The following KIAA0753 variants were observed in gnomAD, a reference collection of about 807,000 sequenced individuals.
The protein encoded by KIAA0753 is protein moonraker.
KIAA0753 carries 114 observed loss-of-function variants against 116.9 expected under a neutral mutation model. That is an observed-to-expected ratio of 0.98 (90% CI 0.84 to 1.14). KIAA0753 has a LOEUF of 1.14. Among genes scored for constraint, KIAA0753 ranks in the 50% most tolerant of loss-of-function variants. The probability of loss-of-function intolerance (pLI) is 0.00; values close to 1 mark genes in which losing one functional copy is unlikely to be tolerated. For missense variants in KIAA0753, 1,156 were observed against 1,172.4 expected (o/e 0.99, Z 0.20); for synonymous variants, 405 against 413.1 (o/e 0.98, Z 0.24).
chr17:6,631,075 G>A (rs890918915), intron 2 of KIAA0753, among the ~76,000 whole-genome samples: 7 of 151,916 alleles, frequency 4.6e-5, no homozygotes, highest in African/African-American at 7.3e-5. Flanking sequence ...ACATATACAC[G>A]AGAGACAGGA....
intron 12 of KIAA0753, 104 bp from the exon 13 acceptor site, chr17:6,600,562 C>G: frequency 1.3e-6 from 1 of 795,286 alleles, no homozygotes; most frequent in Non-Finnish European, 2.0e-6. Flanking sequence ...TGACCACGAG[C>G]TTCTCTAACC....
intron 7 of KIAA0753, among the ~76,000 whole-genome samples, chr17:6,619,868 TA>T (rs1971187616): frequency 6.6e-6 from 1 of 152,218 alleles, no homozygotes; most frequent in Non-Finnish European, 1.5e-5. Flanking sequence ...TCATCAAATC[TA>T]AAACATCAAT....
At position 6,580,761 on chromosome 17, in the gene KIAA0753, A is replaced by G. The variant is rs975465581; in HGVS notation, c.2787-897T>C. Among the ~76,000 whole-genome samples the G allele has an allele frequency of 3.3e-5, 5 of 152,276 alleles. No homozygotes were observed. The East Asian group carries it at 9.7e-4, about 29-fold the overall frequency. ...CTTCATCCTCAATGTGTTTGAAACC[A>G]GAGGCGACCAGAAACTAACCAGCTG... On this transcript the variant is annotated intron_variant, in intron 18 of 18. Coordinates refer to ENST00000361413, the MANE Select transcript of KIAA0753 (RefSeq NM_014804.3).
At chr17:6,594,281 C>G (rs200565237) in intron 16 of KIAA0753, among the ~76,000 whole-genome samples, 11 of 145,624 alleles carry the variant, frequency 7.6e-5, no homozygotes, top group South Asian at 6.8e-4. Context: ...ATTCTGACCC[C>G]CCCCCCCAGA....
rs1289936055 is a variant in KIAA0753, at chr17:6,628,603, T to C, written c.232A>G (p.Arg78Gly). 2 of 1,614,240 alleles carry C rather than the reference T, an allele frequency of 1.2e-6. No individual in the cohort carries two copies. Among genetic ancestry groups the C allele is most frequent in the Non-Finnish European group, 8.5e-7 (1 of 1,180,030 alleles). ...ESYHCKDADCRVGPDLGSSVS... is the reference protein window; with the variant it reads ...ESYHCKDADCGVGPDLGSSVS... ...GAACTGCCCAGGTCAGGACCAACTC[T>C]ACAATCTGCATCTTTACAATGGTAT... Residue 78 changes from arginine (R) to glycine (G), a missense_variant, in exon 3 of 19, where the codon AGA (arginine) becomes GGA (glycine). Coordinates refer to ENST00000361413, the MANE Select transcript of KIAA0753 (RefSeq NM_014804.3).
In KIAA0753 at chr17:6,628,206, A is replaced by C. The variant is rs760965351; in HGVS notation, c.629T>G (p.Ile210Arg). Residue 210 changes from isoleucine to arginine, a missense_variant, in exon 3 of 19, where the codon ATA (isoleucine) becomes AGA (arginine). Physicochemically the swap from Ile to Arg is moderately conservative, Grantham distance 97. Coordinates refer to ENST00000361413, the MANE Select transcript of KIAA0753 (RefSeq NM_014804.3). ...PHPRIGDHKN[I>R]SEQKSLLEVQ... ...TTCTAGCAGGCTTTTCTGTTCACTT[A>C]TGTTTTTGTGGTCACCTATCCTGGG... is the stretch of plus-strand genomic sequence containing the variant. The C allele has an allele frequency of 1.2e-6, 2 of 1,614,068 alleles. No homozygotes were observed. Among genetic ancestry groups the C allele is most frequent in the Admixed American group, 1.7e-5 (1 of 60,016 alleles).
At chr17:6,625,338 C>T (rs1295493633) in intron 3 of KIAA0753, among the ~76,000 whole-genome samples, 3 of 152,140 alleles carry the variant, frequency 2.0e-5, no homozygotes, top group Non-Finnish European at 4.4e-5. Flanking sequence ...TTAGTCTTTG[C>T]TGTTTAATAG....
At chr17:6,621,468 A>C (rs1971320599) in intron 6 of KIAA0753, among the ~76,000 whole-genome samples, 1 of 152,192 alleles carries the variant, frequency 6.6e-6, no homozygotes, top group Non-Finnish European at 1.5e-5. Flanking sequence ...CTTCCTAAAA[A>C]AAGGCATTTC....
intron 12 of KIAA0753, among the ~76,000 whole-genome samples, chr17:6,605,005 C>T (rs1287205226): frequency 6.7e-6 from 1 of 149,482 alleles, no homozygotes; most frequent in Non-Finnish European, 1.5e-5. Flanking sequence ...CCCAGCCCTC[C>T]GGGAGGCCAA....
Position 6,599,287 on chromosome 17 carries a change from A to G in KIAA0753, c.2122T>C (p.Leu708=), listed in dbSNP as rs570334879. 1.2e-6 allele frequency: 2 copies of G among 1,613,832 alleles called. No individual in the cohort carries two copies. Among genetic ancestry groups the G allele is most frequent in the East Asian group, 4.5e-5 (2 of 44,874 alleles). ...GTGTTTACTGACGAGCCATCTTTCA[A>G]ATGAATATTTGCTTCTGTAGTAGAA... The part of the protein sequence containing the change: ...VNSTTEANIH[L]KDGSSVNTAK... The change falls in exon 14 of 19, where the codon TTG becomes CTG. Residue 708 remains leucine (L), a synonymous_variant. Coordinates refer to ENST00000361413, the MANE Select transcript of KIAA0753 (RefSeq NM_014804.3).
chr17:6,634,711 AT>A, intron 2 of KIAA0753: 1 of 230,566 alleles, frequency 4.3e-6, no homozygotes, highest in Non-Finnish European at 8.8e-6. Flanking sequence ...ATAACAGGGA[AT>A]TTTTTGGGTC....
At chr17:6,617,204 C>T (rs1283630260) in intron 7 of KIAA0753, among the ~76,000 whole-genome samples, 1 of 152,196 alleles carries the variant, frequency 6.6e-6, no homozygotes, top group Non-Finnish European at 1.5e-5. Flanking sequence ...CACTTCTTCA[C>T]AGAGTCTTTC....
rs368690190 is a variant in KIAA0753, at chr17:6,589,993, C to G, written c.2572G>C (p.Glu858Gln). The G allele has an allele frequency of 1.0e-5, 16 of 1,559,562 alleles. No individual in the cohort carries two copies. The African/African-American group carries it at 2.1e-4, about 20-fold the overall frequency. The part of the protein sequence containing the change: ...ERPCNGNSLD[E>Q]SVGTEEGSEK... The stretch of plus-strand genomic sequence containing the variant: ...GATCCTTCCTCTGTTCCCACACTTT[C>G]ATCCAGGGAACTGAGAACAAATAAA... The change falls in exon 18 of 19, where the codon GAA (glutamate) becomes CAA (glutamine). Residue 858 changes from glutamate to glutamine, a missense_variant. Transcript: ENST00000361413.
Position 6,596,219 on chromosome 17 carries a change from A to G in KIAA0753, c.2297T>C (p.Val766Ala). Residue 766 changes from valine (V) to alanine (A), a missense_variant, in exon 15 of 19, where the codon GTT becomes GCT. Val to Ala is a moderately conservative substitution (Grantham distance 64). Transcript: ENST00000361413. Reference protein sequence around the residue: ...KILGSETLATVEDSKDSPDLE... With the variant: ...KILGSETLATAEDSKDSPDLE... The stretch of plus-strand genomic sequence containing the variant: ...ATCTGGGCTATCCTTGCTGTCCTCA[A>G]CGGTGGCTAAGGTTTCAGACCCCAA... 1 of 1,613,930 alleles carries G rather than the reference A, an allele frequency of 6.2e-7. No homozygotes were observed. Among genetic ancestry groups the G allele is most frequent in the Non-Finnish European group, 8.5e-7 (1 of 1,179,852 alleles).
chr17:6,621,182 T>G (rs1373043545), intron 6 of KIAA0753, among the ~76,000 whole-genome samples, 184 bp from the exon 7 acceptor site: 2 of 152,214 alleles, frequency 1.3e-5, no homozygotes, highest in East Asian at 3.8e-4. Context: ...ACAATTTCTG[T>G]GAGTACTTTC....
intron 14 of KIAA0753, among the ~76,000 whole-genome samples, chr17:6,598,603 A>G (rs1277479194): frequency 6.6e-6 from 1 of 152,214 alleles, no homozygotes; most frequent in Non-Finnish European, 1.5e-5. Flanking sequence ...CAAACTCCAC[A>G]AAGATTAAAT....
intron 3 of KIAA0753, among the ~76,000 whole-genome samples, chr17:6,626,863 C>G (rs1971699963): frequency 6.6e-6 from 1 of 152,144 alleles, no homozygotes; most frequent in Non-Finnish European, 1.5e-5. Context: ...TCTAACAGTT[C>G]CCCGGTATTA....
intron 7 of KIAA0753, among the ~76,000 whole-genome samples, chr17:6,618,116 AAG>A (rs1010302331): frequency 1.3e-5 from 2 of 152,104 alleles, no homozygotes; most frequent in African/African-American, 4.8e-5. Context: ...AAAAGAAAAA[AAG>A]AAAAAAAAAA....
Position 6,589,845 on chromosome 17 carries a change from T to A in KIAA0753, c.2720A>T (p.Glu907Val), listed in dbSNP as rs200664521. ...ATGAGATATGATCCGAAGGTACTGC[T>A]CAAAACGACTACAGTAGTCACCGAT... ...HSIGDYCSRFEQYLRIISHEA... is the reference protein window; with the variant it reads ...HSIGDYCSRFVQYLRIISHEA... Residue 907 changes from glutamate to valine, a missense_variant, in exon 18 of 19, where the codon GAG becomes GTG. By Grantham distance (121) the Glu-to-Val change is moderately radical (BLOSUM62 -2). Transcript: ENST00000361413. The A allele has an allele frequency of 4.3e-6, 7 of 1,614,074 alleles. No homozygotes were observed. In the African/African-American group the frequency reaches 8.0e-5, roughly 18 times the overall value.
Sources: allele counts gnomAD v4.1 joint callset (sites outside exome capture counted in the v4.1 genomes callset), GRCh38; gene constraint gnomAD v4.1.1; transcripts MANE v1.5; gene names NCBI Gene and HGNC (gene_info 2026-07-23, HGNC 2026-07-21).